Variants in JARID2 observed in about 807,000 individuals in gnomAD.
The protein encoded by JARID2 is protein Jumonji.
In JARID2, 21 loss-of-function variants were observed where a neutral mutation model predicts 125.6. The observed-to-expected ratio is 0.17, with a 90% CI of 0.12 to 0.24. The LOEUF is 0.24. JARID2 is among the 10% of genes least tolerant of loss of function. JARID2 has a pLI of 1.00. For synonymous variants in JARID2, 736 were observed against 661.6 expected (o/e 1.11, Z -1.73); for missense variants, 1,303 against 1,639.6 (o/e 0.79, Z 3.55).
At chr6:15,374,322 G>T in intron 2 of JARID2, 70 bp downstream of exon 2, 1 of 1,525,234 alleles carries the variant, frequency 6.6e-7, no homozygotes, top group Non-Finnish European at 9.0e-7. Flanking sequence ...TCCTGAATTG[G>T]ATGTATTCTG....
At chr6:15,456,339 TAA>T (rs1478978643) in intron 4 of JARID2, among the ~76,000 whole-genome samples, 2 of 152,168 alleles carry the variant, frequency 1.3e-5, no homozygotes, top group Non-Finnish European at 2.9e-5. Context: ...TTTTCATAGA[TAA>T]AATTTACTTC....
intron 1 of JARID2, among the ~76,000 whole-genome samples, chr6:15,314,392 ATTTACCCC>A (rs1226153205): frequency 6.6e-6 from 1 of 152,204 alleles, no homozygotes; most frequent in African/African-American, 2.4e-5. Context: ...TTGCTTATAA[ATTTACCCC>A]AAGCACCTGG....
intron 2 of JARID2, among the ~76,000 whole-genome samples, chr6:15,382,524 T>C (rs1012023727): frequency 1.3e-5 from 2 of 152,164 alleles, no homozygotes; most frequent in African/African-American, 4.8e-5. Flanking sequence ...CCAAGTCACT[T>C]GTACTGGTCT....
At chr6:15,451,152 CAAAG>C (rs1271376217) in intron 3 of JARID2, among the ~76,000 whole-genome samples, 4 of 152,132 alleles carry the variant, frequency 2.6e-5, no homozygotes, top group East Asian at 3.9e-4. Flanking sequence ...AACAAACAAA[CAAAG>C]AAACAAACAA....
intron 4 of JARID2, among the ~76,000 whole-genome samples, chr6:15,455,747 C>T (rs886996897): frequency 8.5e-5 from 13 of 152,110 alleles, no homozygotes; most frequent in Non-Finnish European, 1.6e-4. Flanking sequence ...AGGCTGATCT[C>T]GAACTCCTGA....
At chr6:15,261,879 G>T (rs1026926719) in intron 1 of JARID2, among the ~76,000 whole-genome samples, 1 of 149,566 alleles carries the variant, frequency 6.7e-6, no homozygotes, top group Non-Finnish European at 1.5e-5. Context: ...CACCTCCCTG[G>T]TTCAAGCAAT....
chr6:15,404,684 A>G (rs1378455462), intron 2 of JARID2, among the ~76,000 whole-genome samples: 2 of 152,184 alleles, frequency 1.3e-5, no homozygotes, highest in African/African-American at 2.4e-5. Flanking sequence ...GCTCTATAAT[A>G]CAGAATTACC....
chr6:15,424,249 T>C (rs1214666602), intron 3 of JARID2, among the ~76,000 whole-genome samples: 4 of 151,944 alleles, frequency 2.6e-5, no homozygotes, highest in South Asian at 2.1e-4. Context: ...ATTACAGTCA[T>C]GAGCCACTGT....
chr6:15,439,083 G>A (rs1767340214), intron 3 of JARID2, among the ~76,000 whole-genome samples: 1 of 151,758 alleles, frequency 6.6e-6, no homozygotes, highest in South Asian at 2.1e-4. Flanking sequence ...TCAGGCAGTG[G>A]AACAGGGGAG....
At chr6:15,411,472 C>G (rs908400772) in intron 3 of JARID2, among the ~76,000 whole-genome samples, 1 of 152,144 alleles carries the variant, frequency 6.6e-6, no homozygotes, top group African/African-American at 2.4e-5. Flanking sequence ...TCTCTTCATC[C>G]TCAGCACTTT....
chr6:15,459,088 C>T (rs1221602109), intron 4 of JARID2, among the ~76,000 whole-genome samples: 2 of 152,228 alleles, frequency 1.3e-5, no homozygotes, highest in East Asian at 3.8e-4. Context: ...AAATATTTCT[C>T]AGCCTGAGCT....
intron 1 of JARID2, among the ~76,000 whole-genome samples, chr6:15,288,513 G>A (rs1472540147): frequency 6.6e-6 from 1 of 152,294 alleles, no homozygotes; most frequent in Admixed American, 6.5e-5. Flanking sequence ...TATATCAAGC[G>A]AGTGCCCAAC....
chr6:15,451,978 T>C, intron 3 of JARID2, 28 bp from the exon 4 acceptor site: 1 of 1,610,228 alleles, frequency 6.2e-7, no homozygotes, highest in Non-Finnish European at 8.5e-7. Context: ...CTGCTTAATT[T>C]ATTTTTAATT....
intron 3 of JARID2, among the ~76,000 whole-genome samples, chr6:15,419,701 C>T (rs931125084): frequency 6.6e-6 from 1 of 152,238 alleles, no homozygotes; most frequent in Non-Finnish European, 1.5e-5. Flanking sequence ...ACTTCAGTGA[C>T]ACTGCCCCAC....
intron 1 of JARID2, among the ~76,000 whole-genome samples, chr6:15,271,119 T>C (rs914933879): frequency 7.9e-5 from 12 of 152,254 alleles, no homozygotes; most frequent in African/African-American, 2.7e-4. Flanking sequence ...TATTTCATTT[T>C]AGTTCTACAA....
At chr6:15,322,033 C>T (rs1054287155) in intron 1 of JARID2, among the ~76,000 whole-genome samples, 15 of 151,996 alleles carry the variant, frequency 9.9e-5, no homozygotes, top group African/African-American at 2.7e-4. Flanking sequence ...CTTCGTTGTT[C>T]GCCTGCCTCC....
chr6:15,278,739 C>T lies in JARID2; in HGVS notation c.45+32155C>T, dbSNP rs541662415. On this transcript the variant is annotated intron_variant, in intron 1 of 17. Coordinates refer to ENST00000341776, the MANE Select transcript of JARID2 (RefSeq NM_004973.4). ...AGTCTCATATCTGCCATACCTGCTG[C>T]GAGAGGAATTGATTGGAGGACTGGT... Among the ~76,000 whole-genome samples, 331 of 152,166 alleles carry T rather than the reference C, an allele frequency of 2.2e-3. 3 individuals are homozygous for T. The highest frequency in any genetic ancestry group is 7.4e-3 in the African/African-American group (308 of 41,520).
At position 15,282,158 on chromosome 6, in the gene JARID2, G is replaced by GTCTTGAAC. The variant is rs1369320454; in HGVS notation, c.45+35577_45+35584dup. ...AGGTTTCACCATGTTGCCCAGGCTGGTCTTGAACTCCTGGTCTCAGGTGAT... is the reference window on the plus strand; with the variant it reads ...AGGTTTCACCATGTTGCCCAGGCTGGTCTTGAACTCTTGAACTCCTGGTCTCAGGTGAT... On this transcript the variant is annotated intron_variant, in intron 1 of 17. Coordinates refer to ENST00000341776, the MANE Select transcript of JARID2 (RefSeq NM_004973.4). Among the ~76,000 whole-genome samples the GTCTTGAAC allele has an allele frequency of 2.0e-5, 3 of 152,094 alleles. No homozygotes were observed. The East Asian group carries it at 5.8e-4, about 30-fold the overall frequency.
chr6:15,381,928 G>T (rs1764603848), intron 2 of JARID2, among the ~76,000 whole-genome samples: 1 of 152,238 alleles, frequency 6.6e-6, no homozygotes, highest in Non-Finnish European at 1.5e-5. Context: ...TTTAACATGA[G>T]AAAAATAGAT....
Sources: allele counts gnomAD v4.1 joint callset (sites outside exome capture counted in the v4.1 genomes callset), GRCh38; gene constraint gnomAD v4.1.1; transcripts MANE v1.5; gene names NCBI Gene and HGNC (gene_info 2026-07-23, HGNC 2026-07-21).